The following RBFA variants were observed in gnomAD, a reference collection of about 807,000 sequenced individuals.
RBFA encodes ribosome binding factor A.
RBFA carries 16 observed loss-of-function variants against 27.9 expected under a neutral mutation model. The observed-to-expected ratio is 0.57, with a 90% CI of 0.39 to 0.87. The LOEUF (loss-of-function observed/expected upper bound fraction) is 0.87, where lower values mean the gene tolerates loss of function less well. Among genes scored for constraint, RBFA ranks in the 40% least tolerant of loss-of-function variants. The pLI is 0.00. For missense variants in RBFA, 456 were observed against 432.1 expected, an observed-to-expected ratio of 1.06 and a Z score of -0.49; for synonymous variants, 181 against 181.0, an observed-to-expected ratio of 1.00 and a Z score of 0.00.
Position 80,046,118 on chromosome 18 carries a change from C to T in RBFA, c.995C>T (p.Thr332Ile), listed in dbSNP as rs770367123. The change falls in exon 7 of 7, where the codon ACA becomes ATA. Residue 332 changes from threonine to isoleucine, a missense_variant. Physicochemically the swap from Thr to Ile is moderately conservative, Grantham distance 89. Transcript: ENST00000306735. Reference sequence around the variant, plus strand: ...GAGGCAGAGAGAGGAGGTGGCAGAACAGAGGATGGCCACAGCTGCGGAGCA... The same window carrying T: ...GAGGCAGAGAGAGGAGGTGGCAGAATAGAGGATGGCCACAGCTGCGGAGCA... ...ELEAERGGGR[T>I]EDGHSCGASR... 11 of 1,613,986 alleles carry T rather than the reference C, an allele frequency of 6.8e-6. No homozygotes were observed. Among genetic ancestry groups the T allele is most frequent in the Middle Eastern group, 3.3e-4 (2 of 6,080 alleles).
At position 80,045,925 on chromosome 18, in the gene RBFA, G is replaced by A; in HGVS notation, c.802G>A (p.Val268Met). Reference protein sequence around the residue: ...GLGGLVWQGQVAELTTQMKKG... With the variant: ...GLGGLVWQGQMAELTTQMKKG... ...CGGGGGCCTGGTGTGGCAGGGGCAG[G>A]TGGCTGAGCTGACAACGCAGATGAA... is the stretch of plus-strand genomic sequence containing the variant. Residue 268 changes from valine (V) to methionine (M), a missense_variant, in exon 7 of 7, where the codon GTG (valine) becomes ATG (methionine). Coordinates refer to ENST00000306735, the MANE Select transcript of RBFA (RefSeq NM_024805.3). The A allele has an allele frequency of 6.2e-7, 1 of 1,613,880 alleles. No individual in the cohort carries two copies. The highest frequency in any genetic ancestry group is 8.5e-7 in the Non-Finnish European group (1 of 1,179,868).
intron 1 of RBFA, 88 bp from the exon 2 acceptor site, chr18:80,036,580 A>G (rs1460010114): frequency 3.4e-5 from 32 of 945,252 alleles, no homozygotes; most frequent in Non-Finnish European, 5.2e-5. Context: ...CCCCCTATAA[A>G]CAGTTATGGT....
chr18:80,036,119 G>C (rs1427332160), intron 1 of RBFA: 5 of 152,284 alleles, frequency 3.3e-5, no homozygotes, highest in Non-Finnish European at 7.3e-5. Flanking sequence ...TCTGACGAAA[G>C]GATATATGTG....
At chr18:80,044,328 C>T in intron 6 of RBFA, 43 bp downstream of exon 6, 4 of 1,536,510 alleles carry the variant, frequency 2.6e-6, no homozygotes, top group Admixed American at 1.7e-5. Context: ...GGGGTACATT[C>T]CTGGGTGTGG....
At chr18:80,038,890 C>A (rs1277671420) in intron 4 of RBFA, among the ~76,000 whole-genome samples, 1 of 152,218 alleles carries the variant, frequency 6.6e-6, no homozygotes, top group Non-Finnish European at 1.5e-5. Context: ...ACCTCTCCTG[C>A]TGTGTTGACA....
chr18:80,034,441 G>C lies in RBFA; in HGVS notation c.-55G>C. 2.1e-6 allele frequency: 3 copies of C among 1,407,976 alleles called. No individual in the cohort carries two copies. Among genetic ancestry groups the C allele is most frequent in the Non-Finnish European group, 2.8e-6 (3 of 1,085,260 alleles). 87.2% of individuals were successfully genotyped at this position (1,407,976 alleles called of 1,614,324 possible). On this transcript the variant is annotated 5_prime_UTR_variant, in exon 1 of 7. Transcript: ENST00000306735. ...CGCCGCCACCCTCGCGTCAGTTGTCGCTCCGCGCCTGCGCCCGTTGTCTCC... is the reference window on the plus strand; with the variant it reads ...CGCCGCCACCCTCGCGTCAGTTGTCCCTCCGCGCCTGCGCCCGTTGTCTCC...
chr18:80,046,434 C>T lies in RBFA; in HGVS notation c.*279C>T. On this transcript the variant is annotated 3_prime_UTR_variant, in exon 7 of 7. Transcript: ENST00000306735. ...TGTCTCTGAGATGCTGGCATGGCCA[C>T]CTCCACCTGCAGAGCCCTGCCAGGT... 2 of 391,566 alleles carry T rather than the reference C, an allele frequency of 5.1e-6. No homozygotes were observed. The highest frequency in any genetic ancestry group is 2.5e-5 in the South Asian group (1 of 40,174). 24.3% of individuals were successfully genotyped at this position (391,566 alleles called of 1,614,324 possible). A position where few individuals can be genotyped will look rare whatever the true frequency, so the allele number is the denominator to read the frequency against.
In RBFA at chr18:80,038,596, AGAG is replaced by A; in HGVS notation, c.471_473del (p.Arg158del). The A allele has an allele frequency of 6.2e-7, 1 of 1,613,784 alleles. No homozygotes were observed. The highest frequency in any genetic ancestry group is 8.5e-7 in the Non-Finnish European group (1 of 1,179,656). ...AACGCACACATGGAGGCTGTCCTGC[AGAG>A]AAGTGCCGCGCACATGAGGTGATGA... On this transcript the variant is annotated inframe_deletion, in exon 4 of 7. Transcript: ENST00000306735.
rs896482491 is a variant in RBFA at position 80,047,674 on chromosome 18, C to T, written c.*1519C>T. ...CAATTTGTAAGGATAGACAAAACCCCACATGATGGTATGAGTAGGAGAGAG... is the reference window on the plus strand; with the variant it reads ...CAATTTGTAAGGATAGACAAAACCCTACATGATGGTATGAGTAGGAGAGAG... On this transcript the variant is annotated 3_prime_UTR_variant, in exon 7 of 7. Transcript: ENST00000306735. Among the ~76,000 whole-genome samples, 2 of 149,840 alleles carry T rather than the reference C, an allele frequency of 1.3e-5. No homozygotes were observed. Among genetic ancestry groups the T allele is most frequent in the Admixed American group, 1.4e-4 (2 of 14,782 alleles).
chr18:80,036,670 A>G lies in RBFA; in HGVS notation c.161A>G (p.Lys54Arg), dbSNP rs1219589883. ...WLKKFASKTK[K>R]KVWYESPSLG... is the part of the protein sequence containing the mutation. ...TAATGCTTATTTTCTCCCCAAAGAAAAAAGGTTTGGTATGAAAGTCCTTCC... is the reference window on the plus strand; with the variant it reads ...TAATGCTTATTTTCTCCCCAAAGAAGAAAGGTTTGGTATGAAAGTCCTTCC... The change falls in exon 2 of 7, where the codon AAA becomes AGA. Residue 54 changes from lysine to arginine, a missense_variant and splice_region_variant. Lys to Arg is a conservative substitution (Grantham distance 26, BLOSUM62 2). Coordinates refer to ENST00000306735, the MANE Select transcript of RBFA (RefSeq NM_024805.3). The G allele has an allele frequency of 3.7e-6, 6 of 1,611,926 alleles. No homozygotes were observed. The Admixed American group carries it at 5.0e-5, about 13-fold the overall frequency.
chr18:80,045,189 C>G (rs1006018246), intron 6 of RBFA, among the ~76,000 whole-genome samples: 34 of 150,700 alleles, frequency 2.3e-4, no homozygotes, highest in Admixed American at 2.2e-3. Context: ...TGAACTGGCC[C>G]GAGGCACTGG....
chr18:80,038,513 G>A lies in RBFA; in HGVS notation c.387G>A (p.Leu129=), dbSNP rs114476697. Residue 129 remains leucine, a synonymous_variant, in exon 4 of 7, where the codon CTG becomes CTA. Coordinates refer to ENST00000306735, the MANE Select transcript of RBFA (RefSeq NM_024805.3). The part of the protein sequence containing the change: ...DLNVELSKVS[L]TPDFSACRAY... Reference sequence around the variant, plus strand: ...GAGGGGCGGGGTCTCAGGTTTCCCTGACTCCAGACTTCTCAGCCTGCCGAG... The same window carrying A: ...GAGGGGCGGGGTCTCAGGTTTCCCTAACTCCAGACTTCTCAGCCTGCCGAG... 1.9e-6 allele frequency: 3 copies of A among 1,610,746 alleles called. No homozygotes were observed. The highest frequency in any genetic ancestry group is 2.7e-5 in the African/African-American group (2 of 74,796).
chr18:80,035,537 G>A (rs1243847250), intron 1 of RBFA: 1 of 152,224 alleles, frequency 6.6e-6, no homozygotes, highest in East Asian at 1.9e-4. Context: ...GAAGACTACA[G>A]AGGTAAAGGC....
At chr18:80,042,818 T>C (rs1273860922) in intron 5 of RBFA, among the ~76,000 whole-genome samples, 2 of 151,516 alleles carry the variant, frequency 1.3e-5, no homozygotes, top group African/African-American at 4.8e-5. Context: ...TGAAAAGTAA[T>C]GAAAGAAAGG....
chr18:80,048,595 G>A lies in RBFA; in HGVS notation c.*2440G>A, dbSNP rs1295520014. On this transcript the variant is annotated 3_prime_UTR_variant, in exon 7 of 7. Coordinates refer to ENST00000306735, the MANE Select transcript of RBFA (RefSeq NM_024805.3). ...GAAGGAGTGGGCAGAGGGAATGGAA[G>A]GTAGAGTTAGGCCCAGAGAGCCCCA... 6.6e-6 allele frequency among the ~76,000 whole-genome samples: 1 copy of A among 152,228 alleles called. No homozygotes were observed. Among genetic ancestry groups the A allele is most frequent in the East Asian group, 1.9e-4 (1 of 5,196 alleles).
rs572054346 is a variant in RBFA at position 80,034,470 on chromosome 18, C to T, written c.-26C>T. 444 of 1,490,354 alleles carry T rather than the reference C, an allele frequency of 3.0e-4. No individual in the cohort carries two copies. The Middle Eastern group carries it at 4.9e-3, about 16-fold the overall frequency. 92.3% of individuals were successfully genotyped at this position (1,490,354 alleles called of 1,614,324 possible). A position where few individuals can be genotyped will look rare whatever the true frequency, so the allele number is the denominator to read the frequency against. ...CGCGCCTGCGCCCGTTGTCTCCCTG[C>T]TCGCTCCGGGTCCCGGCGCCGCGCC... On this transcript the variant is annotated 5_prime_UTR_variant, in exon 1 of 7. Transcript: ENST00000306735.
At chr18:80,039,569 C>G (rs995743877) in intron 4 of RBFA, among the ~76,000 whole-genome samples, 6 of 152,058 alleles carry the variant, frequency 3.9e-5, no homozygotes, top group African/African-American at 1.4e-4. Flanking sequence ...AACAACAGAC[C>G]ATATCTGTTG....
chr18:80,038,490 G>A lies in RBFA; in HGVS notation c.379-15G>A, dbSNP rs753257468. On this transcript the variant is annotated splice_polypyrimidine_tract_variant and intron_variant, in intron 3 of 6. Transcript: ENST00000306735. The stretch of plus-strand genomic sequence containing the variant: ...TGTAAGCTAAAAAGTGACCTGTGGA[G>A]GGGCGGGGTCTCAGGTTTCCCTGAC... 3.2e-6 allele frequency: 5 copies of A among 1,573,622 alleles called. No homozygotes were observed. Among genetic ancestry groups the A allele is most frequent in the Non-Finnish European group, 4.4e-6 (5 of 1,148,400 alleles).
chr18:80,043,533 A>G (rs1162563204), intron 5 of RBFA, among the ~76,000 whole-genome samples: 1 of 152,054 alleles, frequency 6.6e-6, no homozygotes, highest in Non-Finnish European at 1.5e-5. Flanking sequence ...TGAGCTCAGC[A>G]CTCCAGGCTC....
Sources: gnomAD v4.1 joint callset for allele counts (sites outside exome capture counted in the v4.1 genomes callset) on GRCh38, gnomAD v4.1.1 for gene constraint, MANE v1.5 for transcripts, NCBI Gene and HGNC (gene_info 2026-07-23, HGNC 2026-07-21) for gene names.